Variants in SIN3A observed in about 807,000 individuals in gnomAD.
SIN3A encodes SIN3 transcription regulator family member A.
SIN3A carries 14 observed loss-of-function variants against 146.1 expected under a neutral mutation model. The observed-to-expected ratio is 0.10, with a 90% CI of 0.06 to 0.15. The LOEUF (loss-of-function observed/expected upper bound fraction) is 0.15. SIN3A is among the 10% of genes least tolerant of loss of function. The probability of loss-of-function intolerance (pLI) is 1.00; values close to 1 mark genes in which losing one functional copy is unlikely to be tolerated. For missense variants in SIN3A, 1,028 were observed against 1,576.0 expected, an observed-to-expected ratio of 0.65 and a Z score of 5.89; for synonymous variants, 572 against 572.0, an observed-to-expected ratio of 1.00 and a Z score of 0.00.
At chr15:75,439,641 G>A (rs375522801) in intron 1 of SIN3A, among the ~76,000 whole-genome samples, 74 of 151,676 alleles carry the variant, frequency 4.9e-4, no homozygotes, top group African/African-American at 1.6e-3. Context: ...CACCGCACCC[G>A]GCCATCAATG....
In SIN3A at chr15:75,396,982, C is replaced by T. The variant is rs76420508; in HGVS notation, c.1855-486G>A. On this transcript the variant is annotated intron_variant, in intron 12 of 20. Transcript: ENST00000394947. ...TTGTCTTGAGAGTTTTTTGGTTTAA[C>T]TTGAAATATTTAAATATATTCAAAT... Among the ~76,000 whole-genome samples, 1,430 of 152,276 alleles carry T rather than the reference C, an allele frequency of 9.4e-3. 32 individuals carry two copies. The highest frequency in any genetic ancestry group is 0.029 in the African/African-American group (1,196 of 41,546).
At chr15:75,380,283 G>A (rs1342927742) in intron 19 of SIN3A, among the ~76,000 whole-genome samples, 4 of 152,142 alleles carry the variant, frequency 2.6e-5, no homozygotes, top group South Asian at 2.1e-4. Flanking sequence ...GCACCTTTTC[G>A]CTTTGCTGAT....
intron 1 of SIN3A, among the ~76,000 whole-genome samples, chr15:75,445,055 T>C (rs2141625121): frequency 6.6e-6 from 1 of 151,568 alleles, no homozygotes; most frequent in East Asian, 2.0e-4. Flanking sequence ...TAAGACCCTA[T>C]CTCTATTTAA....
intron 8 of SIN3A, among the ~76,000 whole-genome samples, chr15:75,409,493 G>A (rs1366803773): frequency 6.6e-6 from 1 of 151,736 alleles, no homozygotes; most frequent in Non-Finnish European, 1.5e-5. Context: ...TTGGGAGGCC[G>A]AGGCGGGCAG....
chr15:75,448,969 TTATAG>T (rs2074354882), intron 1 of SIN3A, among the ~76,000 whole-genome samples: 1 of 152,204 alleles, frequency 6.6e-6, no homozygotes, highest in African/African-American at 2.4e-5. Flanking sequence ...CTGAACAAAA[TTATAG>T]TATATAAAAT....
chr15:75,376,725 T>TGA (rs2072864202), intron 19 of SIN3A, among the ~76,000 whole-genome samples: 1 of 151,398 alleles, frequency 6.6e-6, no homozygotes, highest in African/African-American at 2.4e-5. Context: ...GCAGGTGTGG[T>TGA]GACGTGTGCC....
chr15:75,443,002 G>A (rs1199386500), intron 1 of SIN3A, among the ~76,000 whole-genome samples: 5 of 151,756 alleles, frequency 3.3e-5, no homozygotes, highest in Non-Finnish European at 7.4e-5. Flanking sequence ...TATATGGGTG[G>A]AGACAGAATC....
At chr15:75,403,932 T>G (rs187610942) in intron 9 of SIN3A, among the ~76,000 whole-genome samples, 43 of 152,356 alleles carry the variant, frequency 2.8e-4, no homozygotes, top group African/African-American at 9.9e-4. Context: ...TCTCTTAAGA[T>G]AGTTCTGTCC....
At chr15:75,429,968 AAAG>A (rs1366130871) in intron 2 of SIN3A, 3 of 476,166 alleles carry the variant, frequency 6.3e-6, no homozygotes, top group Admixed American at 7.7e-5. Flanking sequence ...AAGGGAGGGA[AAAG>A]AAGGGAGCAG....
intron 1 of SIN3A, among the ~76,000 whole-genome samples, chr15:75,439,588 G>A (rs948373012): frequency 1.3e-4 from 19 of 151,420 alleles, no homozygotes; most frequent in African/African-American, 3.4e-4. Flanking sequence ...CTCGTGATCC[G>A]CCCACCTCAG....
intron 3 of SIN3A, among the ~76,000 whole-genome samples, chr15:75,415,073 G>A (rs748927908): frequency 1.2e-4 from 18 of 152,264 alleles, no homozygotes; most frequent in Non-Finnish European, 2.2e-4. Context: ...CTGCATTTTC[G>A]TGTACGCAAT....
chr15:75,447,560 T>G (rs1265547340), intron 1 of SIN3A: 1 of 152,142 alleles, frequency 6.6e-6, no homozygotes, highest in Non-Finnish European at 1.5e-5. Context: ...TAGGGCTGAG[T>G]AGCTCCCCAT....
At chr15:75,376,857 C>T (rs1307599720) in intron 19 of SIN3A, among the ~76,000 whole-genome samples, 4 of 95,394 alleles carry the variant, frequency 4.2e-5, no homozygotes, top group African/African-American at 1.7e-4. Context: ...CAGACACTGT[C>T]TTAAAAAAAA....
intron 3 of SIN3A, chr15:75,415,990 G>T: frequency 2.9e-6 from 1 of 341,742 alleles, no homozygotes. Context: ...ACCAGGCACA[G>T]AAAGCTGAAG....
At chr15:75,449,680 T>C (rs2074366764) in intron 1 of SIN3A, among the ~76,000 whole-genome samples, 3 of 152,178 alleles carry the variant, frequency 2.0e-5, no homozygotes, top group South Asian at 2.1e-4. Context: ...AGAGTATAAA[T>C]AGAAAGTGGT....
intron 1 of SIN3A, among the ~76,000 whole-genome samples, chr15:75,443,210 C>T (rs915559183): frequency 3.3e-5 from 5 of 152,286 alleles, no homozygotes; most frequent in Non-Finnish European, 7.3e-5. Context: ...TCTACTAGTT[C>T]CTCTGAAATG....
chr15:75,388,463 G>C (rs967974689), intron 16 of SIN3A: 1 of 152,278 alleles, frequency 6.6e-6, no homozygotes, highest in Non-Finnish European at 1.5e-5. Context: ...AAGCTGGCAG[G>C]GGCTTCAGCT....
chr15:75,399,633 C>T (rs1474537792), intron 12 of SIN3A, among the ~76,000 whole-genome samples: 3 of 152,176 alleles, frequency 2.0e-5, no homozygotes. Context: ...GTTTGCTAAC[C>T]ATGGCAAGAT....
Position 75,372,202 on chromosome 15 carries a change from T to C in SIN3A, c.3599A>G (p.Glu1200Gly). ...CTGATGTAGACGCTTGCTTACACGC[T>C]CATGGGACTGCAAAACAGAAAAAAA... ...TALLRAHQSH[E>G]RVSKRLHQRF... Residue 1200 changes from glutamate to glycine, a missense_variant, in exon 21 of 21, where the codon GAG (glutamate) becomes GGG (glycine). By Grantham distance (98) the Glu-to-Gly change is moderately conservative. Transcript: ENST00000394947. 2 of 1,574,728 alleles carry C rather than the reference T, an allele frequency of 1.3e-6. No homozygotes were observed. Among genetic ancestry groups the C allele is most frequent in the Non-Finnish European group, 1.7e-6 (2 of 1,161,226 alleles).
Sources: gnomAD v4.1 joint callset for allele counts (sites outside exome capture counted in the v4.1 genomes callset) on GRCh38, gnomAD v4.1.1 for gene constraint, MANE v1.5 for transcripts, NCBI Gene and HGNC (gene_info 2026-07-23, HGNC 2026-07-21) for gene names.